ASIC2: variants seen among roughly 807,000 people sequenced by gnomAD.
The protein encoded by ASIC2 is acid sensing ion channel subunit 2, also known as acid-sensing ion channel 2.
A neutral mutation model predicts 57.3 loss-of-function variants in ASIC2; 25 were observed. The ratio of observed to expected loss-of-function variants is 0.44; its 90% CI spans 0.32 to 0.61. The LOEUF is 0.61. Among genes scored for constraint, ASIC2 ranks in the 20% least tolerant of loss-of-function variants. The pLI is 0.06. For missense variants in ASIC2, 641 were observed against 738.1 expected (o/e 0.87, Z 1.52); for synonymous variants, 319 against 307.5 (o/e 1.04, Z -0.39).
At chr17:33,378,962 A>T (rs578123264) in intron 1 of ASIC2, among the ~76,000 whole-genome samples, 1 of 152,328 alleles carries the variant, frequency 6.6e-6, no homozygotes, top group South Asian at 2.1e-4. Context: ...TTATTTTCCC[A>T]ACTACTTTCC....
chr17:33,944,027 G>T (rs1016188183), intron 1 of ASIC2, among the ~76,000 whole-genome samples: 7 of 152,082 alleles, frequency 4.6e-5, no homozygotes, highest in Admixed American at 4.6e-4. Flanking sequence ...GATAGGATTT[G>T]TGTCAGCTTT....
intron 1 of ASIC2, among the ~76,000 whole-genome samples, chr17:33,464,308 G>T (rs1912737909): frequency 6.6e-6 from 1 of 152,164 alleles, no homozygotes. Flanking sequence ...TGGAGGGAGT[G>T]TGCAGGGATT....
At chr17:33,727,067 C>T (rs1365123286) in intron 1 of ASIC2, among the ~76,000 whole-genome samples, 2 of 152,138 alleles carry the variant, frequency 1.3e-5, no homozygotes, top group Non-Finnish European at 2.9e-5. Flanking sequence ...TTCTTTCAAA[C>T]AATGAATACC....
chr17:33,792,689 C>A (rs1911807931), intron 1 of ASIC2: 1 of 152,188 alleles, frequency 6.6e-6, no homozygotes, highest in Non-Finnish European at 1.5e-5. Context: ...TTGAAAATCA[C>A]AGTGGCTTAT....
At chr17:33,111,421 G>C (rs2092257565) in intron 2 of ASIC2, among the ~76,000 whole-genome samples, 1 of 152,176 alleles carries the variant, frequency 6.6e-6, no homozygotes, top group Non-Finnish European at 1.5e-5. Context: ...TCTCCCAGGG[G>C]CTTACATAGG....
rs1278232305 is a variant in ASIC2 at position 33,026,000 on chromosome 17, C to A, written c.1139-18G>T. Reference sequence around the variant, plus strand: ...GGCATCCCCTGCAAAGAAGAAACACCAGACAGAGTTACTCAGGCAGGAACA... The same window carrying A: ...GGCATCCCCTGCAAAGAAGAAACACAAGACAGAGTTACTCAGGCAGGAACA... On this transcript the variant is annotated intron_variant, in intron 4 of 9. Transcript: ENST00000225823. 6.2e-7 allele frequency: 1 copy of A among 1,613,054 alleles called. No individual in the cohort carries two copies. The highest frequency in any genetic ancestry group is 8.5e-7 in the Non-Finnish European group (1 of 1,179,432).
In ASIC2 at chr17:33,068,407, C is replaced by T. The variant is rs542091885; in HGVS notation, c.987+20456G>A. Among the ~76,000 whole-genome samples, 7 of 152,266 alleles carry T rather than the reference C, an allele frequency of 4.6e-5. No homozygotes were observed. In the South Asian group the frequency reaches 1.0e-3, roughly 23 times the overall value. ...AATTAGCTGGGCATGGTGGTGCATG[C>T]CTGTAATCTCAGCTACTCAGGAGGC... On this transcript the variant is annotated intron_variant, in intron 3 of 9. Transcript: ENST00000225823.
At chr17:34,043,662 CTT>C (rs1178732998) in intron 1 of ASIC2, among the ~76,000 whole-genome samples, 2 of 152,176 alleles carry the variant, frequency 1.3e-5, no homozygotes, top group Non-Finnish European at 2.9e-5. Flanking sequence ...ATTTAAAACA[CTT>C]TTACCTTCAC....
intron 1 of ASIC2, among the ~76,000 whole-genome samples, chr17:33,474,841 G>A (rs144853167): frequency 3.3e-5 from 5 of 152,154 alleles, no homozygotes; most frequent in South Asian, 2.1e-4. Context: ...ATATGGTTGC[G>A]TGTGACCTTA....
chr17:33,909,481 A>C (rs916999155), intron 1 of ASIC2, among the ~76,000 whole-genome samples: 3 of 152,232 alleles, frequency 2.0e-5, no homozygotes, highest in Non-Finnish European at 4.4e-5. Context: ...AAGATAGCAG[A>C]ACTCTCCAGA....
chr17:33,113,402 C>T (rs1338646479), intron 1 of ASIC2, among the ~76,000 whole-genome samples: 5 of 152,202 alleles, frequency 3.3e-5, no homozygotes, highest in South Asian at 2.1e-4. Flanking sequence ...TTTCAAACCT[C>T]GAGCTGAAGC....
At chr17:34,111,623 AG>A (rs1373677874) in intron 1 of ASIC2, among the ~76,000 whole-genome samples, 1 of 152,204 alleles carries the variant, frequency 6.6e-6, no homozygotes, top group African/African-American at 2.4e-5. Flanking sequence ...TGAGGAAATT[AG>A]AACAATGGCT....
chr17:33,803,709 C>T (rs1912196468), intron 1 of ASIC2, among the ~76,000 whole-genome samples: 2 of 151,716 alleles, frequency 1.3e-5, no homozygotes, highest in South Asian at 4.2e-4. Flanking sequence ...TTCCCGCCTG[C>T]CTTCTATTCA....
intron 1 of ASIC2, among the ~76,000 whole-genome samples, chr17:33,773,662 T>TG (rs570159017): frequency 1.1e-4 from 14 of 127,528 alleles, no homozygotes; most frequent in Admixed American, 3.1e-4. Flanking sequence ...CTCTGTTTTT[T>TG]TTTTTTTTTT....
At chr17:33,924,223 T>C (rs1479941752) in intron 1 of ASIC2, among the ~76,000 whole-genome samples, 1 of 152,228 alleles carries the variant, frequency 6.6e-6, no homozygotes, top group Non-Finnish European at 1.5e-5. Context: ...TCTCCTGCAC[T>C]GCGCTGTGAG....
intron 1 of ASIC2, among the ~76,000 whole-genome samples, chr17:33,881,946 A>T (rs1914710662): frequency 6.6e-6 from 1 of 152,230 alleles, no homozygotes; most frequent in Non-Finnish European, 1.5e-5. Flanking sequence ...AGCCCTCAGA[A>T]ATAATACCCC....
intron 1 of ASIC2, among the ~76,000 whole-genome samples, chr17:33,738,337 C>A (rs1449023104): frequency 6.6e-6 from 1 of 152,190 alleles, no homozygotes; most frequent in African/African-American, 2.4e-5. Flanking sequence ...TGCTTGTCAT[C>A]CTTCCCCCAG....
chr17:33,402,238 G>A (rs1324433837), intron 1 of ASIC2, among the ~76,000 whole-genome samples: 2 of 152,060 alleles, frequency 1.3e-5, no homozygotes, highest in Non-Finnish European at 2.9e-5. Flanking sequence ...CTACTTTATG[G>A]TCTTGCCTTA....
At chr17:33,074,635 G>A (rs1039225415) in intron 3 of ASIC2, among the ~76,000 whole-genome samples, 7 of 152,156 alleles carry the variant, frequency 4.6e-5, no homozygotes, top group African/African-American at 1.7e-4. Context: ...AGGCAGTATT[G>A]CTCAATGGTT....
Sources: allele counts gnomAD v4.1 joint callset (sites outside exome capture counted in the v4.1 genomes callset), GRCh38; gene constraint gnomAD v4.1.1; transcripts MANE v1.5; gene names NCBI Gene and HGNC (gene_info 2026-07-23, HGNC 2026-07-21).